The following SIGLEC12 variants were observed in gnomAD, a reference collection of about 807,000 sequenced individuals.
SIGLEC12 encodes sialic acid-binding Ig-like lectin 12.
A neutral mutation model predicts 54.1 loss-of-function variants in SIGLEC12; 43 were observed. The ratio of observed to expected loss-of-function variants is 0.80; its 90% CI spans 0.62 to 1.03. The LOEUF is 1.03. Among genes scored for constraint, SIGLEC12 ranks in the 50% least tolerant of loss-of-function variants. SIGLEC12 has a pLI of 0.00. For synonymous variants in SIGLEC12, 357 were observed against 307.6 expected, an observed-to-expected ratio of 1.16 and a Z score of -1.68; for missense variants, 802 against 735.2, an observed-to-expected ratio of 1.09 and a Z score of -1.05.
intron 7 of SIGLEC12, among the ~76,000 whole-genome samples, chr19:51,495,258 T>TGGAC (rs1220021615): frequency 5.2e-5 from 6 of 116,086 alleles, no homozygotes; most frequent in Admixed American, 1.8e-4. Context: ...GACGGGTGGG[T>TGGAC]GGGTGGATGG....
Position 51,500,435 on chromosome 19 carries a change from G to C in SIGLEC12, c.428-135C>G, listed in dbSNP as rs546662130. 5 of 1,528,872 alleles carry C rather than the reference G, an allele frequency of 3.3e-6. No homozygotes were observed. The Admixed American group carries it at 7.7e-5, about 24-fold the overall frequency. 94.7% of individuals were successfully genotyped at this position (1,528,872 alleles called of 1,614,324 possible). ...CAGAGAAGGGGGAGGGAGAGGAGGG[G>C]CAGGGCTGTGGGACCCACAGGGGGC... On this transcript the variant is annotated intron_variant, in intron 1 of 7. Transcript: ENST00000291707.
At chr19:51,498,478 T>C (rs1990303437) in intron 4 of SIGLEC12, among the ~76,000 whole-genome samples, 191 bp from the exon 5 acceptor site, 2 of 152,238 alleles carry the variant, frequency 1.3e-5, no homozygotes, top group Non-Finnish European at 2.9e-5. Context: ...ACTCTATCTT[T>C]CAAAATCAGA....
At chr19:51,496,102 G>A (rs965676602) in intron 7 of SIGLEC12, among the ~76,000 whole-genome samples, 9 of 152,234 alleles carry the variant, frequency 5.9e-5, no homozygotes, top group Non-Finnish European at 1.2e-4. Flanking sequence ...AAATTAAAAG[G>A]GTGCCCCAAA....
chr19:51,491,463 T>G lies in SIGLEC12; in HGVS notation c.*178A>C. On this transcript the variant is annotated 3_prime_UTR_variant, in exon 8 of 8. Transcript: ENST00000291707. Reference sequence around the variant, plus strand: ...GCCGGGGGCGGGGAGTGTGGACCGATTGGATGGAGAAAGGGAGAGTTTGGT... The same window carrying G: ...GCCGGGGGCGGGGAGTGTGGACCGAGTGGATGGAGAAAGGGAGAGTTTGGT... 1.5e-5 allele frequency: 9 copies of G among 601,476 alleles called. No homozygotes were observed. Among genetic ancestry groups the G allele is most frequent in the Admixed American group, 3.0e-5 (1 of 33,534 alleles). 37.3% of individuals were successfully genotyped at this position (601,476 alleles called of 1,614,324 possible).
At chr19:51,499,748 G>T in intron 2 of SIGLEC12, 32 bp from the exon 3 acceptor site, 2 of 1,609,628 alleles carry the variant, frequency 1.2e-6, no homozygotes, top group Non-Finnish European at 1.7e-6. Flanking sequence ...GCAAAATGAG[G>T]GTGTTGGGGT....
At chr19:51,499,893 T>C in intron 2 of SIGLEC12, 27 bp downstream of exon 2, 1 of 1,585,774 alleles carries the variant, frequency 6.3e-7, no homozygotes, top group Non-Finnish European at 8.6e-7. Context: ...CCTTCCCCTC[T>C]GGCTGGTCCT....
At position 51,497,150 on chromosome 19, in the gene SIGLEC12, A is replaced by T. The variant is rs73575435; in HGVS notation, c.1503-174T>A. 9.0e-3 allele frequency among the ~76,000 whole-genome samples: 1,365 copies of T among 152,196 alleles called. 35 individuals carry two copies. The highest frequency in any genetic ancestry group is 0.031 in the African/African-American group (1,290 of 41,532). On this transcript the variant is annotated intron_variant, in intron 6 of 7. Coordinates refer to ENST00000291707, the MANE Select transcript of SIGLEC12 (RefSeq NM_053003.4). ...AAACAGAGGCTCTTTTTTCCTGGGC[A>T]GTAGGGTCTGAGGTTTGCCACAGAC...
intron 2 of SIGLEC12, 71 bp downstream of exon 2, chr19:51,499,849 G>T (rs1990344823): frequency 6.5e-7 from 1 of 1,549,836 alleles, no homozygotes; most frequent in East Asian, 2.2e-5. Flanking sequence ...CCAGGATGGG[G>T]GTCCCACCTC....
chr19:51,494,897 G>T (rs1056557164), intron 7 of SIGLEC12, among the ~76,000 whole-genome samples: 1 of 152,188 alleles, frequency 6.6e-6, no homozygotes, highest in African/African-American at 2.4e-5. Flanking sequence ...TCACTTATAT[G>T]AGGTATCTAG....
Position 51,499,373 on chromosome 19 carries a change from T to A in SIGLEC12, c.1087+65A>T. ...CAGGACCCAGATCCTTGAGTCTGGG[T>A]CCCACATCCAACTGGCCTCAAGGAA... On this transcript the variant is annotated intron_variant, in intron 3 of 7. Coordinates refer to ENST00000291707, the MANE Select transcript of SIGLEC12 (RefSeq NM_053003.4). The A allele has an allele frequency of 3.2e-6, 5 of 1,546,212 alleles. No individual in the cohort carries two copies. The South Asian group carries it at 5.0e-5, about 16-fold the overall frequency.
chr19:51,499,573 C>A lies in SIGLEC12; in HGVS notation c.952G>T (p.Asp318Tyr), dbSNP rs1203135034. 2 of 1,612,130 alleles carry A rather than the reference C, an allele frequency of 1.2e-6. No homozygotes were observed. Among genetic ancestry groups the A allele is most frequent in the Non-Finnish European group, 1.7e-6 (2 of 1,179,086 alleles). The part of the protein sequence containing the change: ...TWMGASVSSL[D>Y]PTITRSSMLS... ...ATCGAGGAGCGAGTGATAGTGGGGT[C>A]CAGGGAGGACACGGAGGCCCCCATC... The change falls in exon 3 of 8, where the codon GAC becomes TAC. Residue 318 changes from aspartate to tyrosine, a missense_variant. Coordinates refer to ENST00000291707, the MANE Select transcript of SIGLEC12 (RefSeq NM_053003.4).
intron 4 of SIGLEC12, among the ~76,000 whole-genome samples, chr19:51,498,536 C>T (rs1000632065): frequency 2.0e-4 from 30 of 152,314 alleles, no homozygotes; most frequent in African/African-American, 5.1e-4. Context: ...TTATTCCATA[C>T]ACTTAGATAT....
Position 51,491,645 on chromosome 19 carries a change from TTGG to T in SIGLEC12, c.1781_1783del (p.Pro594_Lys595delinsGln). 3.1e-6 allele frequency: 5 copies of T among 1,614,060 alleles called. No individual in the cohort carries two copies. The highest frequency in any genetic ancestry group is 4.2e-6 in the Non-Finnish European group (5 of 1,180,010). ...GGCCTGAGTCTCTGCAGTTTCTCAC[TTGG>T]GGATGTTGATCTCGGAGTACTCATA... On this transcript the variant is annotated inframe_deletion, in exon 8 of 8. Transcript: ENST00000291707.
chr19:51,499,769 G>C (rs1568531723), intron 2 of SIGLEC12, 53 bp from the exon 3 acceptor site: 8 of 1,596,172 alleles, frequency 5.0e-6, no homozygotes, highest in Non-Finnish European at 8.5e-7. Context: ...CTGAAGTGTG[G>C]TGCTGAGGAG....
chr19:51,495,261 GTGGATGGATGGATGGA>G (rs535638938), intron 7 of SIGLEC12, among the ~76,000 whole-genome samples: 2 of 79,106 alleles, frequency 2.5e-5, no homozygotes, highest in Non-Finnish European at 5.2e-5. Context: ...GGGTGGGTGG[GTGGATGGATGGATGGA>G]TGGATGGATG....
At chr19:51,495,014 G>A (rs370326613) in intron 7 of SIGLEC12, among the ~76,000 whole-genome samples, 1 of 152,132 alleles carries the variant, frequency 6.6e-6, no homozygotes, top group Non-Finnish European at 1.5e-5. Flanking sequence ...CAACGAATGT[G>A]GAGTTTCAGT....
At position 51,496,910 on chromosome 19, in the gene SIGLEC12, G is replaced by A. The variant is rs145034575; in HGVS notation, c.1569C>T (p.Asp523=). 418 of 1,613,958 alleles carry A rather than the reference G, an allele frequency of 2.6e-4. 1 individual carries two copies. The highest frequency in any genetic ancestry group is 1.3e-3 in the East Asian group (57 of 44,876). Residue 523 remains aspartate (D), a synonymous_variant, in exon 7 of 8, where the codon GAC becomes GAT. Transcript: ENST00000291707. The stretch of plus-strand genomic sequence containing the variant: ...AGGCTGAGCCCCTGACAGCGTTTGC[G>A]TCCTCCATGCCTGTATCCCCCACGC... ...AVGVGDTGME[D]ANAVRGSASQ...
rs961857830 is a variant in SIGLEC12 at position 51,491,522 on chromosome 19, A to C, written c.*119T>G. 2 of 967,854 alleles carry C rather than the reference A, an allele frequency of 2.1e-6. No homozygotes were observed. Among genetic ancestry groups the C allele is most frequent in the African/African-American group, 3.3e-5 (2 of 60,198 alleles). 60.0% of individuals were successfully genotyped at this position (967,854 alleles called of 1,614,324 possible). On this transcript the variant is annotated 3_prime_UTR_variant, in exon 8 of 8. Coordinates refer to ENST00000291707, the MANE Select transcript of SIGLEC12 (RefSeq NM_053003.4). ...ACGCATTTTCAGTTTGACAAGAGGA[A>C]TAAGTTCTGATGTCCTGTTGCACAG... is the stretch of plus-strand genomic sequence containing the variant.
Position 51,495,257 on chromosome 19 carries a change from GTGGGTGGA to G in SIGLEC12, c.1599+1615_1599+1622del, listed in dbSNP as rs1386224437. 5.2e-4 allele frequency among the ~76,000 whole-genome samples: 50 copies of G among 96,568 alleles called. 1 individual carries two copies. Among genetic ancestry groups the G allele is most frequent in the Middle Eastern group, 9.8e-3 (1 of 102 alleles). 63.4% of individuals were successfully genotyped at this position (96,568 alleles called of 152,430 possible). ...GATGGATGGATGGATGGACGGGTGGGTGGGTGGATGGATGGATGGATGGATGGATGGAT... is the reference window on the plus strand; with the variant it reads ...GATGGATGGATGGATGGACGGGTGGGTGGATGGATGGATGGATGGATGGAT... On this transcript the variant is annotated intron_variant, in intron 7 of 7. Coordinates refer to ENST00000291707, the MANE Select transcript of SIGLEC12 (RefSeq NM_053003.4).
Sources: allele counts gnomAD v4.1 joint callset (sites outside exome capture counted in the v4.1 genomes callset), GRCh38; gene constraint gnomAD v4.1.1; transcripts MANE v1.5; gene names NCBI Gene and HGNC (gene_info 2026-07-23, HGNC 2026-07-21).